The following BCR variants were observed in gnomAD, a reference collection of about 807,000 sequenced individuals.
BCR encodes BCR activator of RhoGEF and GTPase.
In BCR, 58 loss-of-function variants were observed where a neutral mutation model predicts 138.6. The observed-to-expected ratio is 0.42, with a 90% CI of 0.34 to 0.52. BCR has a LOEUF of 0.52. Among genes scored for constraint, BCR ranks in the 20% least tolerant of loss-of-function variants. The pLI is 0.06. For synonymous variants in BCR, 786 were observed against 730.1 expected, an observed-to-expected ratio of 1.08 and a Z score of -1.23; for missense variants, 1,599 against 1,727.2, an observed-to-expected ratio of 0.93 and a Z score of 1.32.
intron 1 of BCR, among the ~76,000 whole-genome samples, chr22:23,225,046 G>A (rs1719588783): frequency 1.3e-5 from 2 of 151,798 alleles, no homozygotes; most frequent in Admixed American, 1.3e-4. Context: ...CTGCAGGGAG[G>A]GGTGTCCAAG....
chr22:23,216,359 T>C (rs2072751793), intron 1 of BCR, among the ~76,000 whole-genome samples: 1 of 152,222 alleles, frequency 6.6e-6, no homozygotes. Flanking sequence ...GAAAATTGCT[T>C]CCCCCTTTTC....
Position 23,181,488 on chromosome 22 carries a change from C to T in BCR, c.528C>T (p.Phe176=), listed in dbSNP as rs558929900. The change falls in exon 1 of 23, where the codon TTC becomes TTT. Residue 176 remains phenylalanine, a synonymous_variant. Transcript: ENST00000305877. ...GQPGADAEKP[F]YVNVEFHHER... is the part of the protein sequence containing the mutation. ...CCGGGGCGGACGCCGAGAAGCCCTT[C>T]TACGTGAACGTCGAGTTTCACCACG... 2.5e-6 allele frequency: 4 copies of T among 1,611,942 alleles called. No individual in the cohort carries two copies. In the South Asian group the frequency reaches 4.4e-5, roughly 18 times the overall value.
intron 1 of BCR, among the ~76,000 whole-genome samples, chr22:23,232,252 C>T (rs2072967319): frequency 6.6e-6 from 1 of 152,246 alleles, no homozygotes; most frequent in Non-Finnish European, 1.5e-5. Context: ...GTGCCTAGCA[C>T]CTCACAGGGA....
Position 23,282,289 on chromosome 22 carries a change from C to T in BCR, c.2116-1688C>T, listed in dbSNP as rs150228154. 2.2e-3 allele frequency among the ~76,000 whole-genome samples: 336 copies of T among 152,336 alleles called. 2 individuals are homozygous for T. The highest frequency in any genetic ancestry group is 3.4e-3 in the Middle Eastern group (1 of 294). Reference sequence around the variant, plus strand: ...GGTGCACATGCTGTTTCTTGCTTCCCGTGGGTGCCGTCACCAGGCAGCCGT... The same window carrying T: ...GGTGCACATGCTGTTTCTTGCTTCCTGTGGGTGCCGTCACCAGGCAGCCGT... On this transcript the variant is annotated intron_variant, in intron 8 of 22. Transcript: ENST00000305877.
intron 1 of BCR, among the ~76,000 whole-genome samples, chr22:23,226,323 AGAGAGTGT>A (rs772742104): frequency 0.082 from 4,214 of 51,594 alleles, 78 homozygotes; most frequent in Admixed American, 0.18. Context: ...AGAGAGAGAG[AGAGAGTGT>A]GTGTGTGTGT....
chr22:23,263,898 G>A, intron 4 of BCR: 1 of 959,810 alleles, frequency 1.0e-6, no homozygotes, highest in Admixed American at 1.7e-5. Flanking sequence ...CAGCTCTTTT[G>A]TGACAGGGAC....
intron 16 of BCR, among the ~76,000 whole-genome samples, chr22:23,301,598 G>A (rs748256082): frequency 6.6e-6 from 1 of 152,230 alleles, no homozygotes; most frequent in Admixed American, 6.5e-5. Flanking sequence ...AGGCTTCTCT[G>A]TCCCGTGACC....
intron 18 of BCR, among the ~76,000 whole-genome samples, chr22:23,310,838 G>A (rs1311755046): frequency 2.6e-5 from 4 of 151,908 alleles, no homozygotes; most frequent in Admixed American, 2.6e-4. Context: ...GCTTCCCCAG[G>A]ATGGAATCTG....
At chr22:23,306,371 C>T (rs1337117134) in intron 16 of BCR, 2 of 152,296 alleles carry the variant, frequency 1.3e-5, no homozygotes, top group African/African-American at 4.8e-5. Flanking sequence ...AGGGTGTCCT[C>T]CACCCTGGGT....
chr22:23,185,721 G>T (rs73152621), intron 1 of BCR, among the ~76,000 whole-genome samples: 33,790 of 148,192 alleles, frequency 0.23, 4,221 homozygotes, highest in East Asian at 0.35. Context: ...GGTTCTCTCT[G>T]TTTTTTTTGT....
intron 9 of BCR, 128 bp downstream of exon 9, chr22:23,284,226 T>C (rs1254100943): frequency 7.3e-7 from 1 of 1,368,914 alleles, no homozygotes; most frequent in East Asian, 2.5e-5. Context: ...TTGGGCACAA[T>C]GCCAGGCTCC....
intron 5 of BCR, among the ~76,000 whole-genome samples, chr22:23,270,074 A>G (rs2073493011): frequency 6.6e-6 from 1 of 152,114 alleles, no homozygotes; most frequent in African/African-American, 2.4e-5. Flanking sequence ...TTCAAAAAAG[A>G]CCCAGAGGAA....
At chr22:23,312,714 C>T (rs1399384366) in intron 19 of BCR, 173 bp from the exon 20 acceptor site, 4 of 592,912 alleles carry the variant, frequency 6.7e-6, no homozygotes, top group Non-Finnish European at 1.2e-5. Flanking sequence ...ATCAACTCTG[C>T]AGACACAGAA....
chr22:23,254,000 G>A lies in BCR; in HGVS notation c.1461+20G>A, dbSNP rs780951780. On this transcript the variant is annotated intron_variant, in intron 2 of 22. Transcript: ENST00000305877. Reference sequence around the variant, plus strand: ...AAAGCGGTGAGTCCCCATGGTGTACGTGTGGCAGGAGGGCCAGGTGAGGCT... The same window carrying A: ...AAAGCGGTGAGTCCCCATGGTGTACATGTGGCAGGAGGGCCAGGTGAGGCT... The A allele has an allele frequency of 1.7e-5, 27 of 1,596,012 alleles. No homozygotes were observed. Among genetic ancestry groups the A allele is most frequent in the East Asian group, 2.2e-5 (1 of 44,568 alleles).
intron 1 of BCR, among the ~76,000 whole-genome samples, chr22:23,245,701 G>A (rs2073148851): frequency 6.6e-6 from 1 of 152,082 alleles, no homozygotes; most frequent in Non-Finnish European, 1.5e-5. Context: ...TGAGGTTATG[G>A]CCAGGCGGTA....
intron 22 of BCR, among the ~76,000 whole-genome samples, chr22:23,315,081 A>C: frequency 6.6e-6 from 1 of 152,170 alleles, no homozygotes. Flanking sequence ...AAAATTAGCC[A>C]GGCATTGTGG....
chr22:23,231,372 A>G (rs2072956100), intron 1 of BCR, among the ~76,000 whole-genome samples: 1 of 151,944 alleles, frequency 6.6e-6, no homozygotes, highest in Non-Finnish European at 1.5e-5. Context: ...TGGATGTGGT[A>G]GTGCACGCCT....
intron 4 of BCR, chr22:23,261,923 G>C (rs1232500439): frequency 6.0e-6 from 1 of 165,504 alleles, no homozygotes; most frequent in African/African-American, 2.4e-5. Context: ...CAAACTGATG[G>C]TTCCCGACTC....
At chr22:23,298,654 G>A (rs546367744) in intron 16 of BCR, among the ~76,000 whole-genome samples, 159 of 151,994 alleles carry the variant, frequency 1.0e-3, no homozygotes, top group African/African-American at 3.5e-3. Context: ...GGAGTGCAGC[G>A]GTGCCATCTC....
Sources: gnomAD v4.1 joint callset for allele counts (sites outside exome capture counted in the v4.1 genomes callset) on GRCh38, gnomAD v4.1.1 for gene constraint, MANE v1.5 for transcripts, NCBI Gene and HGNC (gene_info 2026-07-23, HGNC 2026-07-21) for gene names.